Variants in IPO11 observed in about 807,000 individuals in gnomAD.
The protein encoded by IPO11 is importin-11.
In IPO11, 66 loss-of-function variants were observed where a neutral mutation model predicts 143.2. That is an observed-to-expected ratio of 0.46 (90% confidence interval 0.38 to 0.57). IPO11 has a LOEUF of 0.57. IPO11 is among the 20% of genes least tolerant of loss of function. The probability of loss-of-function intolerance (pLI) is 0.00; values close to 1 mark genes in which losing one functional copy is unlikely to be tolerated. For synonymous variants in IPO11, 385 were observed against 377.8 expected (o/e 1.02, Z -0.22); for missense variants, 1,026 against 1,141.0 (o/e 0.90, Z 1.45).
chr5:62,424,192 T>A (rs1410688443), intron 1 of IPO11, among the ~76,000 whole-genome samples: 1 of 151,248 alleles, frequency 6.6e-6, no homozygotes, highest in East Asian at 1.9e-4. Context: ...CAGGCTGGAG[T>A]GCAGTGGCGC....
intron 24 of IPO11, among the ~76,000 whole-genome samples, chr5:62,547,677 C>A (rs1743251319): frequency 6.6e-6 from 1 of 152,044 alleles, no homozygotes; most frequent in Non-Finnish European, 1.5e-5. Flanking sequence ...CAATCAGATA[C>A]TGCTTTATGT....
chr5:62,490,438 G>A (rs1444048870), intron 15 of IPO11, among the ~76,000 whole-genome samples: 1 of 152,116 alleles, frequency 6.6e-6, no homozygotes, highest in Non-Finnish European at 1.5e-5. Context: ...GCAAAGATGA[G>A]GGAGGATGGA....
chr5:62,623,651 T>TC (rs1269514093), intron 29 of IPO11, among the ~76,000 whole-genome samples: 19 of 151,160 alleles, frequency 1.3e-4, no homozygotes, highest in African/African-American at 4.6e-4. Context: ...TTTTCTTTTT[T>TC]TTTTTTTTTT....
chr5:62,499,405 A>C (rs545296878), intron 16 of IPO11, among the ~76,000 whole-genome samples: 1 of 152,310 alleles, frequency 6.6e-6, no homozygotes, highest in African/African-American at 2.4e-5. Flanking sequence ...GCAGGCTTGG[A>C]TGTTGCTCTG....
chr5:62,547,769 A>T (rs1456806584), intron 24 of IPO11, among the ~76,000 whole-genome samples: 1 of 152,106 alleles, frequency 6.6e-6, no homozygotes, highest in Non-Finnish European at 1.5e-5. Flanking sequence ...AAAACTGTAA[A>T]GATTCCTATG....
chr5:62,597,858 A>G (rs1160939673), intron 28 of IPO11, among the ~76,000 whole-genome samples: 3 of 152,164 alleles, frequency 2.0e-5, no homozygotes, highest in African/African-American at 7.2e-5. Flanking sequence ...CTGATACACT[A>G]ATGACTGTAG....
At chr5:62,435,120 ATATATGTATATATATG>A (rs1288601598) in intron 1 of IPO11, among the ~76,000 whole-genome samples, 11 of 106,486 alleles carry the variant, frequency 1.0e-4, no homozygotes, top group African/African-American at 5.3e-4. Flanking sequence ...GTATATATGT[ATATATGTATATATATG>A]TATATATGTA....
intron 14 of IPO11, 26 bp from the exon 15 acceptor site, chr5:62,490,089 T>A (rs767381033): frequency 6.9e-7 from 1 of 1,441,364 alleles, no homozygotes; most frequent in Admixed American, 2.3e-5. Flanking sequence ...AAACCTTTAA[T>A]TTTTTTTCTT....
Position 62,561,163 on chromosome 5 carries a change from G to A in IPO11, c.2488G>A (p.Glu830Lys). 1 of 1,606,912 alleles carries A rather than the reference G, an allele frequency of 6.2e-7. No individual in the cohort carries two copies. The highest frequency in any genetic ancestry group is 8.5e-7 in the Non-Finnish European group (1 of 1,176,948). Reference sequence around the variant, plus strand: ...GGACCAGCTTTTGGGAAATATGATTGAAATGTGGGTTGATCGAATGGACAA... The same window carrying A: ...GGACCAGCTTTTGGGAAATATGATTAAAATGTGGGTTGATCGAATGGACAA... ...EMDQLLGNMI[E>K]MWVDRMDNIT... is the part of the protein sequence containing the mutation. Residue 830 changes from glutamate (E) to lysine (K), a missense_variant, in exon 27 of 30, where the codon GAA becomes AAA. By Grantham distance (56) the Glu-to-Lys change is moderately conservative. Around this residue, in one of 5 missense-constraint regions of IPO11, gnomAD observed 351 missense variants for 358.9 expected, o/e 0.98. Coordinates refer to ENST00000325324, the MANE Select transcript of IPO11 (RefSeq NM_016338.5).
intron 2 of IPO11, among the ~76,000 whole-genome samples, chr5:62,437,681 G>T (rs1384146633): frequency 1.3e-5 from 2 of 152,174 alleles, no homozygotes; most frequent in Non-Finnish European, 2.9e-5. Flanking sequence ...TACGTTAAAA[G>T]TGTCTACTAT....
intron 21 of IPO11, among the ~76,000 whole-genome samples, chr5:62,530,148 T>G (rs77323634): frequency 0.052 from 7,961 of 152,256 alleles, 242 homozygotes; most frequent in South Asian, 0.083. Context: ...CAAAATAACT[T>G]TTTTACCTGT....
intron 15 of IPO11, among the ~76,000 whole-genome samples, chr5:62,490,767 A>T (rs1460955267): frequency 6.6e-6 from 1 of 151,786 alleles, no homozygotes; most frequent in African/African-American, 2.4e-5. Flanking sequence ...GCCCAATTCT[A>T]TTTTTTTTGA....
chr5:62,435,109 T>A (rs1744138846), intron 1 of IPO11, among the ~76,000 whole-genome samples: 1 of 77,886 alleles, frequency 1.3e-5, no homozygotes, highest in South Asian at 3.6e-4. Context: ...TGTATATATA[T>A]GTATATATGT....
chr5:62,597,266 A>C (rs1378152072), intron 28 of IPO11, among the ~76,000 whole-genome samples: 3 of 152,216 alleles, frequency 2.0e-5, no homozygotes, highest in Admixed American at 2.0e-4. Flanking sequence ...TAAAAAAAAG[A>C]AACATTAGGA....
rs116503905 is a variant in IPO11 at position 62,600,728 on chromosome 5, C to T, written c.2679-1036C>T. Among the ~76,000 whole-genome samples, 1,082 of 152,276 alleles carry T rather than the reference C, an allele frequency of 7.1e-3. 14 individuals are homozygous for T. Among genetic ancestry groups the T allele is most frequent in the African/African-American group, 0.024 (1,017 of 41,550 alleles). ...AAGCATTGCAGCCCCAGGTCAAGGCCATGCAGTGAGTTAGGGATTGAGTTC... is the reference window on the plus strand; with the variant it reads ...AAGCATTGCAGCCCCAGGTCAAGGCTATGCAGTGAGTTAGGGATTGAGTTC... On this transcript the variant is annotated intron_variant, in intron 28 of 29. Transcript: ENST00000325324.
Position 62,484,126 on chromosome 5 carries a change from G to C in IPO11, c.1138G>C (p.Glu380Gln). The change falls in exon 11 of 30, where the codon GAA becomes CAA. Residue 380 changes from glutamate (E) to glutamine (Q), a missense_variant. Glu to Gln is a conservative substitution (Grantham distance 29). This residue lies in a region of IPO11 where 429 missense variants were observed against 456.3 expected (regional missense o/e 0.94). Transcript: ENST00000325324. ...TCATTATTTCCTATTAACTGAAGAA[G>C]AACTGACAATGTGGGAAGAAGACCC... ...VSHYFLLTEE[E>Q]LTMWEEDPEG... is the part of the protein sequence containing the mutation. 1 of 1,606,778 alleles carries C rather than the reference G, an allele frequency of 6.2e-7. No homozygotes were observed. The highest frequency in any genetic ancestry group is 8.5e-7 in the Non-Finnish European group (1 of 1,177,908).
chr5:62,483,300 C>T lies in IPO11; in HGVS notation c.1021+7C>T. On this transcript the variant is annotated splice_region_variant and intron_variant, in intron 10 of 29. Transcript: ENST00000325324. ...CCATCCAAAAATTTTGAAGGTAATT[C>T]CTTTATTGGCAGTTTAAAAGAATTA... 1 of 1,466,900 alleles carries T rather than the reference C, an allele frequency of 6.8e-7. No individual in the cohort carries two copies. 90.9% of individuals were successfully genotyped at this position (1,466,900 alleles called of 1,614,324 possible). A position where few individuals can be genotyped will look rare whatever the true frequency, so the allele number is the denominator to read the frequency against.
intron 24 of IPO11, among the ~76,000 whole-genome samples, chr5:62,545,694 C>T (rs1297897309): frequency 2.0e-5 from 3 of 152,088 alleles, no homozygotes; most frequent in Non-Finnish European, 4.4e-5. Flanking sequence ...ATCTTTGCAA[C>T]CTACTCATCT....
At position 62,613,113 on chromosome 5, in the gene IPO11, A is replaced by AT. The variant is rs1328667278; in HGVS notation, c.2763+11271dup. On this transcript the variant is annotated intron_variant, in intron 29 of 29. Transcript: ENST00000325324. ...TTCTTAATTATGAGTGAGACTAAGA[A>AT]TTTTTTAGATGTTTATAGCTCATTG... Among the ~76,000 whole-genome samples, 3 of 152,066 alleles carry AT rather than the reference A, an allele frequency of 2.0e-5. No homozygotes were observed. The East Asian group carries it at 5.8e-4, about 29-fold the overall frequency.
Sources: allele counts gnomAD v4.1 joint callset (sites outside exome capture counted in the v4.1 genomes callset), GRCh38; gene constraint gnomAD v4.1.1; regional missense constraint gnomAD v4.1.1; transcripts MANE v1.5; gene names NCBI Gene and HGNC (gene_info 2026-07-23, HGNC 2026-07-21).